STAG2: variants seen among roughly 807,000 people sequenced by gnomAD.
STAG2 encodes the protein STAG2 cohesin complex component.
In STAG2, 14 loss-of-function variants were observed where a neutral mutation model predicts 108.1. The observed-to-expected ratio is 0.13, with a 90% CI of 0.09 to 0.20. The LOEUF (loss-of-function observed/expected upper bound fraction) is 0.20, where lower values mean the gene tolerates loss of function less well. STAG2 is among the 10% of genes least tolerant of loss of function. The pLI, the probability that STAG2 is intolerant of heterozygous loss-of-function variation, is 1.00. For missense variants in STAG2, 440 were observed against 940.9 expected (o/e 0.47, Z 6.96); for synonymous variants, 307 against 302.7 (o/e 1.01, Z -0.15).
chrX:124,090,940 T>G lies in STAG2; in HGVS notation c.3554T>G (p.Leu1185Arg). Residue 1185 changes from leucine (L) to arginine (R), a missense_variant, in exon 32 of 35, where the codon CTG becomes CGG. Transcript: ENST00000371145. ...QERAAMSYVK[L>R]RTNLQHAIRR... Reference sequence around the variant, plus strand: ...AGAGCAGCAATGAGCTATGTTAAACTGCGAACTAATCTTCAGCATGCCATG... The same window carrying G: ...AGAGCAGCAATGAGCTATGTTAAACGGCGAACTAATCTTCAGCATGCCATG... 8.3e-7 allele frequency: 1 copy of G among 1,205,333 alleles called. No individual in the cohort carries two copies. The highest frequency in any genetic ancestry group is 1.1e-6 in the Non-Finnish European group (1 of 890,242).
intron 1 of STAG2, among the ~76,000 whole-genome samples, chrX:123,965,494 G>T (rs2054054411): frequency 2.7e-5 from 3 of 111,692 alleles, no homozygotes; most frequent in African/African-American, 9.8e-5. Context: ...ACAGGCTAAG[G>T]CTCAGATCTA....
intron 15 of STAG2, among the ~76,000 whole-genome samples, chrX:124,059,600 C>G (rs987707088): frequency 1.8e-5 from 2 of 111,641 alleles, no homozygotes; most frequent in Admixed American, 1.9e-4. Flanking sequence ...CCTACTTGTT[C>G]ATGATGTTAT....
At chrX:124,019,184 TG>T (rs2056840521) in intron 1 of STAG2, among the ~76,000 whole-genome samples, 1 of 107,273 alleles carries the variant, frequency 9.3e-6, no homozygotes, top group South Asian at 4.2e-4. Context: ...CCTCAGCCTC[TG>T]GAGTAGCTGG....
At chrX:123,961,474 C>T (rs1386585583), upstream of STAG2, 5 of 75,259 alleles carry the variant, frequency 6.6e-5, no homozygotes, top group African/African-American at 2.6e-4. Context: ...GGAGGAAAGC[C>T]GGGAGGCTGT....
intron 11 of STAG2, among the ~76,000 whole-genome samples, chrX:124,050,910 C>T (rs2058019488): frequency 9.0e-6 from 1 of 111,533 alleles, no homozygotes; most frequent in Non-Finnish European, 1.9e-5. Context: ...CTTTGAACTA[C>T]AGAAATAGTA....
chrX:124,080,089 A>G (rs899431868), intron 27 of STAG2, among the ~76,000 whole-genome samples: 2 of 111,742 alleles, frequency 1.8e-5, no homozygotes, highest in Admixed American at 9.5e-5. Context: ...GCTAATTAAC[A>G]TAAACATTAC....
At chrX:124,091,067 A>C in intron 32 of STAG2, 103 bp downstream of exon 32, 1 of 602,229 alleles carries the variant, frequency 1.7e-6, no homozygotes, top group Non-Finnish European at 2.5e-6. Context: ...TCTCTAGAGT[A>C]ACCTAAGCTG....
intron 15 of STAG2, among the ~76,000 whole-genome samples, chrX:124,060,908 C>T (rs1277799770): frequency 9.3e-6 from 1 of 107,724 alleles, no homozygotes; most frequent in Non-Finnish European, 1.9e-5. Flanking sequence ...TGGGCGAGAG[C>T]GAGACTCCAT....
Position 124,097,179 on chromosome X carries a change from C to CAAAAA in STAG2, c.3783+1751_3783+1755dup, listed in dbSNP as rs56942682. Among the ~76,000 whole-genome samples, 92 of 38,181 alleles carry CAAAAA rather than the reference C, an allele frequency of 2.4e-3. 6 individuals are homozygous for CAAAAA. Among genetic ancestry groups the CAAAAA allele is most frequent in the African/African-American group, 0.011 (86 of 8,027 alleles). The allele number at this position is 38,181 out of a possible 115,157, so 33.2% of individuals were successfully genotyped here. A position where few individuals can be genotyped will look rare whatever the true frequency, so the allele number is the denominator to read the frequency against. On this transcript the variant is annotated intron_variant, in intron 34 of 34. Coordinates refer to ENST00000371145, the MANE Select transcript of STAG2 (RefSeq NM_001042750.2). ...GGGTGACAGAGCCGAGACCCTGTCT[C>CAAAAA]AAAAAAAAAAAAAAAAAAAAAAAAA...
chrX:124,061,955 A>G (rs1428290675), intron 17 of STAG2, 81 bp downstream of exon 17: 3 of 772,814 alleles, frequency 3.9e-6, no homozygotes, highest in African/African-American at 2.2e-5. Context: ...CATTTTAGCC[A>G]TGAAACAATT....
intron 34 of STAG2, among the ~76,000 whole-genome samples, chrX:124,097,022 T>C (rs2059396846): frequency 9.2e-6 from 1 of 109,086 alleles, no homozygotes; most frequent in Non-Finnish European, 1.9e-5. Flanking sequence ...TTACAAAAAC[T>C]AAAAAAATTA....
chrX:124,053,810 CAG>C (rs1182279851), intron 13 of STAG2, among the ~76,000 whole-genome samples: 5 of 111,582 alleles, frequency 4.5e-5, no homozygotes, highest in African/African-American at 1.3e-4. Flanking sequence ...ACTGAGAAAA[CAG>C]ATCTCAGATT....
rs1184377809 is a variant in STAG2, at chrX:124,014,367, AT to A, written c.-162-6987del. Reference sequence around the variant, plus strand: ...TCCTTTATATATATGTATGTATAAAATTTTTTTTTTTTTGAGACAGTCTTGC... The same window carrying A: ...TCCTTTATATATATGTATGTATAAAATTTTTTTTTTTTGAGACAGTCTTGC... On this transcript the variant is annotated intron_variant, in intron 1 of 34. Coordinates refer to ENST00000371145, the MANE Select transcript of STAG2 (RefSeq NM_001042750.2). Among the ~76,000 whole-genome samples the A allele has an allele frequency of 1.5e-3, 156 of 105,532 alleles. No homozygotes were observed. The East Asian group carries it at 0.027, about 18-fold the overall frequency. 91.6% of individuals were successfully genotyped at this position (105,532 alleles called of 115,157 possible).
chrX:124,087,282 A>G (rs2059130737), intron 30 of STAG2, among the ~76,000 whole-genome samples: 1 of 112,124 alleles, frequency 8.9e-6, no homozygotes, highest in Admixed American at 9.5e-5. Flanking sequence ...ATGACGCTTG[A>G]AGCTCTTAGA....
At chrX:124,028,743 A>G (rs1026589220) in intron 4 of STAG2, among the ~76,000 whole-genome samples, 5 of 104,646 alleles carry the variant, frequency 4.8e-5, no homozygotes, top group African/African-American at 1.8e-4. Flanking sequence ...TAGATCAGAG[A>G]TCCGCAATCT....
At chrX:124,056,645 A>C (rs1274109929) in intron 14 of STAG2, among the ~76,000 whole-genome samples, 1 of 101,049 alleles carries the variant, frequency 9.9e-6, no homozygotes, top group Non-Finnish European at 2.0e-5. Context: ...AGGCAGGAGA[A>C]TGGCGTGAAC....
At chrX:124,055,961 A>G (rs751686561) in intron 13 of STAG2, among the ~76,000 whole-genome samples, 167 bp from the exon 14 acceptor site, 7 of 102,877 alleles carry the variant, frequency 6.8e-5, no homozygotes, top group Non-Finnish European at 1.4e-4. Flanking sequence ...TCTTTGATAG[A>G]TTTTGGTAGA....
chrX:123,994,889 T>G (rs1287905219), intron 1 of STAG2, among the ~76,000 whole-genome samples: 2 of 112,403 alleles, frequency 1.8e-5, no homozygotes, highest in Admixed American at 1.9e-4. Flanking sequence ...GAAGTTGATT[T>G]GCTGTAGAAA....
At chrX:124,005,868 G>T (rs1369173297) in intron 1 of STAG2, among the ~76,000 whole-genome samples, 1 of 111,567 alleles carries the variant, frequency 9.0e-6, no homozygotes, top group Non-Finnish European at 1.9e-5. Flanking sequence ...CCTTCTGAGA[G>T]AATCTATTCT....
Sources: gnomAD v4.1 joint callset for allele counts (sites outside exome capture counted in the v4.1 genomes callset) on GRCh38, gnomAD v4.1.1 for gene constraint, MANE v1.5 for transcripts, NCBI Gene and HGNC (gene_info 2026-07-23, HGNC 2026-07-21) for gene names.